The following PRKG1 variants were observed in gnomAD, a reference collection of about 807,000 sequenced individuals.
PRKG1 encodes the protein protein kinase cGMP-dependent 1, also known as cGMP-dependent protein kinase 1.
In PRKG1, 35 loss-of-function variants were observed where a neutral mutation model predicts 88.1. The observed-to-expected ratio is 0.40, with a 90% CI of 0.30 to 0.53. The LOEUF is 0.53. Among genes scored for constraint, PRKG1 ranks in the 20% least tolerant of loss-of-function variants. PRKG1 has a pLI of 0.59. For missense variants in PRKG1, 540 were observed against 839.8 expected, an observed-to-expected ratio of 0.64 and a Z score of 4.41; for synonymous variants, 303 against 292.5, an observed-to-expected ratio of 1.04 and a Z score of -0.37.
intron 1 of PRKG1, among the ~76,000 whole-genome samples, chr10:51,065,141 AT>A (rs1352156036): frequency 1.3e-5 from 2 of 152,120 alleles, no homozygotes; most frequent in African/African-American, 4.8e-5. Context: ...AGATGTATGT[AT>A]TAAGAAGCAC....
intron 1 of PRKG1, among the ~76,000 whole-genome samples, chr10:51,003,684 C>T (rs1386551330): frequency 1.3e-5 from 2 of 152,170 alleles, no homozygotes; most frequent in Admixed American, 6.5e-5. Flanking sequence ...ATTTTCTCCT[C>T]CCAATCTTTC....
intron 4 of PRKG1, among the ~76,000 whole-genome samples, chr10:51,808,793 G>A (rs1937649): frequency 0.68 from 102,884 of 151,484 alleles, 35,052 homozygotes; most frequent in Middle Eastern, 0.71. Flanking sequence ...TAAATGACTT[G>A]AAGGGGTAAA....
chr10:52,223,982 T>C lies in PRKG1; in HGVS notation c.1077-27588T>C, dbSNP rs543161792. Among the ~76,000 whole-genome samples the C allele has an allele frequency of 3.3e-5, 5 of 152,292 alleles. No individual in the cohort carries two copies. The South Asian group carries it at 6.2e-4, about 19-fold the overall frequency. On this transcript the variant is annotated intron_variant, in intron 9 of 17. Transcript: ENST00000373980. ...GATTATTGCAATGACTTCTGACTTA[T>C]CTTCATATTTCTGCCTTTGCCTTCC...
chr10:51,036,064 G>A (rs999271017), intron 1 of PRKG1, among the ~76,000 whole-genome samples: 1 of 152,080 alleles, frequency 6.6e-6, no homozygotes, highest in Non-Finnish European at 1.5e-5. Flanking sequence ...TTATGCCTTT[G>A]TATTGAAATC....
At chr10:51,133,715 T>C (rs1466601200) in intron 1 of PRKG1, among the ~76,000 whole-genome samples, 1 of 152,286 alleles carries the variant, frequency 6.6e-6, no homozygotes, top group East Asian at 1.9e-4. Context: ...CCCTACAAGC[T>C]TTTATACATG....
intron 2 of PRKG1, among the ~76,000 whole-genome samples, chr10:51,212,742 A>T (rs1269702835): frequency 1.3e-5 from 2 of 152,246 alleles, no homozygotes; most frequent in African/African-American, 4.8e-5. Flanking sequence ...GCCATCAGAG[A>T]AGTGCAAATC....
chr10:51,784,533 GT>G (rs1269940390), intron 3 of PRKG1, among the ~76,000 whole-genome samples: 1 of 152,014 alleles, frequency 6.6e-6, no homozygotes, highest in Non-Finnish European at 1.5e-5. Context: ...AACCAGAATA[GT>G]TTTTTACTTG....
At chr10:52,250,292 A>T (rs974549107) in intron 9 of PRKG1, among the ~76,000 whole-genome samples, 16 of 152,196 alleles carry the variant, frequency 1.1e-4, no homozygotes, top group African/African-American at 3.9e-4. Flanking sequence ...AATAATGGAA[A>T]ACAATGTTGT....
At chr10:51,501,123 C>G (rs995594355) in intron 3 of PRKG1, among the ~76,000 whole-genome samples, 4 of 152,222 alleles carry the variant, frequency 2.6e-5, no homozygotes, top group African/African-American at 9.6e-5. Flanking sequence ...CTGAATCACG[C>G]AGTATCCTTC....
chr10:51,633,047 C>T (rs145135470), intron 3 of PRKG1, among the ~76,000 whole-genome samples: 10 of 152,050 alleles, frequency 6.6e-5, no homozygotes, highest in South Asian at 2.1e-4. Flanking sequence ...TAGATTTGGA[C>T]CACTATGCTT....
At chr10:51,183,336 C>A (rs1360858644) in intron 2 of PRKG1, among the ~76,000 whole-genome samples, 1 of 152,168 alleles carries the variant, frequency 6.6e-6, no homozygotes, top group Admixed American at 6.5e-5. Context: ...CTGACATAAG[C>A]TGTTCTGTGT....
At chr10:51,299,453 A>C (rs1589330921) in intron 2 of PRKG1, 1 of 437,372 alleles carries the variant, frequency 2.3e-6, no homozygotes, top group Non-Finnish European at 4.6e-6. Context: ...TGATCCACCC[A>C]CCTCGGCCTC....
chr10:51,005,692 G>A (rs1251299191), intron 1 of PRKG1, among the ~76,000 whole-genome samples: 1 of 152,214 alleles, frequency 6.6e-6, no homozygotes, highest in East Asian at 1.9e-4. Flanking sequence ...GAAACACTGT[G>A]ATGAATTGTC....
intron 3 of PRKG1, among the ~76,000 whole-genome samples, chr10:51,703,226 A>AT (rs1431253394): frequency 1.1e-4 from 16 of 152,320 alleles, no homozygotes; most frequent in African/African-American, 3.8e-4. Flanking sequence ...CTTTGAAGGA[A>AT]TTTTTTAAAA....
intron 4 of PRKG1, among the ~76,000 whole-genome samples, chr10:51,900,653 A>C (rs1025955758): frequency 6.6e-6 from 1 of 152,144 alleles, no homozygotes; most frequent in Non-Finnish European, 1.5e-5. Context: ...TGAAGTTTTA[A>C]TTTTTGGTTG....
At chr10:51,290,662 T>G (rs1472768017) in intron 2 of PRKG1, among the ~76,000 whole-genome samples, 1 of 152,180 alleles carries the variant, frequency 6.6e-6, no homozygotes, top group Non-Finnish European at 1.5e-5. Context: ...ATTAAGATTG[T>G]GTAATCTATG....
rs927804217 is a variant in PRKG1 at position 51,554,108 on chromosome 10, G to A, written c.592+86272G>A. Reference sequence around the variant, plus strand: ...TGATACGTGTATATATTATATGTGCGTATGTGATACGTGTATATATTATAT... The same window carrying A: ...TGATACGTGTATATATTATATGTGCATATGTGATACGTGTATATATTATAT... On this transcript the variant is annotated intron_variant, in intron 3 of 17. Coordinates refer to ENST00000373980, the MANE Select transcript of PRKG1 (RefSeq NM_006258.4). Among the ~76,000 whole-genome samples, 39 of 137,894 alleles carry A rather than the reference G, an allele frequency of 2.8e-4. 12 individuals carry two copies. The highest frequency in any genetic ancestry group is 1.0e-3 in the African/African-American group (35 of 34,428). The allele number at this position is 137,894 out of a possible 152,430, so 90.5% of individuals were successfully genotyped here.
intron 5 of PRKG1, among the ~76,000 whole-genome samples, chr10:52,001,529 C>G (rs1589504176): frequency 6.6e-6 from 1 of 151,854 alleles, no homozygotes; most frequent in East Asian, 1.9e-4. Context: ...AAATTTTTGC[C>G]TCTTTTTTAG....
intron 3 of PRKG1, among the ~76,000 whole-genome samples, chr10:51,538,677 A>G (rs953863355): frequency 6.6e-6 from 1 of 151,350 alleles, no homozygotes; most frequent in African/African-American, 2.4e-5. Context: ...ATGAAAAAAA[A>G]AAAAACAAAT....
Sources: allele counts gnomAD v4.1 joint callset (sites outside exome capture counted in the v4.1 genomes callset), GRCh38; gene constraint gnomAD v4.1.1; transcripts MANE v1.5; gene names NCBI Gene and HGNC (gene_info 2026-07-23, HGNC 2026-07-21).